ZNF235: variants seen among roughly 807,000 people sequenced by gnomAD.
The protein encoded by ZNF235 is zinc finger protein 235.
Under a neutral mutation model 29.4 loss-of-function variants are expected in ZNF235, and 25 were observed. The ratio of observed to expected loss-of-function variants is 0.85; its 90% CI spans 0.62 to 1.19. The LOEUF is 1.19. Ranked by LOEUF, ZNF235 falls within the 50% of genes most tolerant of loss-of-function variation. ZNF235 has a pLI of 0.00. For synonymous variants in ZNF235, 300 were observed against 295.3 expected, an observed-to-expected ratio of 1.02 and a Z score of -0.16; for missense variants, 788 against 885.0, an observed-to-expected ratio of 0.89 and a Z score of 1.39.
At chr19:44,302,990 A>AT in intron 2 of ZNF235, among the ~76,000 whole-genome samples, 1 of 132,800 alleles carries the variant, frequency 7.5e-6, no homozygotes, top group African/African-American at 3.0e-5. Context: ...ATTTATATAT[A>AT]AATATATACA....
chr19:44,303,786 A>G (rs1030378743), intron 1 of ZNF235, among the ~76,000 whole-genome samples: 4 of 152,236 alleles, frequency 2.6e-5, no homozygotes, highest in African/African-American at 9.6e-5. Flanking sequence ...ATTTCTACCT[A>G]TTTTCAACTG....
intron 2 of ZNF235, among the ~76,000 whole-genome samples, chr19:44,300,880 A>T (rs976996911): frequency 1.3e-5 from 2 of 151,282 alleles, no homozygotes; most frequent in Non-Finnish European, 2.9e-5. Context: ...AAGAAGTGGT[A>T]ATTACATTGT....
chr19:44,291,107 T>A (rs1975579096), intron 4 of ZNF235, among the ~76,000 whole-genome samples: 3 of 152,186 alleles, frequency 2.0e-5, no homozygotes, highest in Non-Finnish European at 4.4e-5. Flanking sequence ...GAAAATGTTA[T>A]TTTCAGGTGC....
intron 4 of ZNF235, chr19:44,290,798 G>C (rs1480830294): frequency 6.5e-6 from 1 of 153,696 alleles, no homozygotes; most frequent in African/African-American, 2.4e-5. Context: ...ACTGGGGACT[G>C]AAGACACCTT....
At position 44,299,680 on chromosome 19, in the gene ZNF235, C is replaced by T. The variant is rs1274027261; in HGVS notation, c.68G>A (p.Gly23Glu). Residue 23 changes from glycine (G) to glutamate (E), a missense_variant, in exon 3 of 5, where the codon GGG (glycine) becomes GAG (glutamate). Coordinates refer to ENST00000291182, the MANE Select transcript of ZNF235 (RefSeq NM_004234.4). ...CTTCCTCTGGGCAGAGTCCAGCAGC[C>T]CCAGCTCCTCCTCAGTGAAGGCCAC... is the stretch of plus-strand genomic sequence containing the variant. ...VAVAFTEEEL[G>E]LLDSAQRKLY... 6.2e-7 allele frequency: 1 copy of T among 1,614,126 alleles called. No individual in the cohort carries two copies. Among genetic ancestry groups the T allele is most frequent in the East Asian group, 2.2e-5 (1 of 44,874 alleles).
At chr19:44,303,023 AAAT>A (rs1975773628) in intron 2 of ZNF235, among the ~76,000 whole-genome samples, 1 of 131,226 alleles carries the variant, frequency 7.6e-6, no homozygotes, top group Non-Finnish European at 1.6e-5. Context: ...TATTTATATA[AAAT>A]ATACGTATAT....
intron 4 of ZNF235, chr19:44,290,012 C>T (rs942089644): frequency 2.6e-5 from 4 of 152,210 alleles, no homozygotes; most frequent in African/African-American, 9.6e-5. Flanking sequence ...GGGACAGCTG[C>T]CCTGGCCCCT....
rs1379212885 is a variant in ZNF235 at position 44,289,216 on chromosome 19, A to T, written c.239-20T>A. 1.3e-6 allele frequency: 2 copies of T among 1,583,306 alleles called. No individual in the cohort carries two copies. The highest frequency in any genetic ancestry group is 1.7e-6 in the Non-Finnish European group (2 of 1,164,904). On this transcript the variant is annotated intron_variant, in intron 4 of 4. Transcript: ENST00000291182. ...TGTCTCCTGAAAGGATAGAGAGAAT[A>T]AGGAATAAAGGACCAAGAGACTGAC...
rs1412779355 is a variant in ZNF235, at chr19:44,287,883, T to A, written c.1552A>T (p.Asn518Tyr). 6.2e-7 allele frequency: 1 copy of A among 1,612,514 alleles called. No homozygotes were observed. Among genetic ancestry groups the A allele is most frequent in the East Asian group, 2.2e-5 (1 of 44,674 alleles). Residue 518 changes from asparagine to tyrosine, a missense_variant, in exon 5 of 5, where the codon AAC becomes TAC. Transcript: ENST00000291182. Reference protein sequence around the residue: ...VHTGEKPFRCNVCGKGFSQSS... With the variant: ...VHTGEKPFRCYVCGKGFSQSS... ...TGACTGAAGCCTTTCCCACACACGT[T>A]GCATCGAAATGGTTTCTCTCCTGTA...
chr19:44,303,362 A>G, intron 2 of ZNF235, 28 bp downstream of exon 2: 1 of 1,610,294 alleles, frequency 6.2e-7, no homozygotes, highest in Non-Finnish European at 8.5e-7. Flanking sequence ...ATGTCATTTT[A>G]AGAAACACAA....
Position 44,288,242 on chromosome 19 carries a change from G to C in ZNF235, c.1193C>G (p.Thr398Ser), listed in dbSNP as rs1453770305. 1.2e-6 allele frequency: 2 copies of C among 1,614,044 alleles called. No individual in the cohort carries two copies. Among genetic ancestry groups the C allele is most frequent in the Non-Finnish European group, 1.7e-6 (2 of 1,180,040 alleles). Reference protein sequence around the residue: ...TDLNIHCRVHTGEKPYKCEVC... With the variant: ...TDLNIHCRVHSGEKPYKCEVC... The stretch of plus-strand genomic sequence containing the variant: ...CTCACATTTATAAGGTTTCTCTCCA[G>C]TGTGAACTCTGCAATGAATGTTAAG... Residue 398 changes from threonine (T) to serine (S), a missense_variant, in exon 5 of 5, where the codon ACT becomes AGT. Thr to Ser is a moderately conservative substitution (Grantham distance 58, BLOSUM62 1). Transcript: ENST00000291182.
intron 2 of ZNF235, among the ~76,000 whole-genome samples, chr19:44,303,087 TATATACAA>T (rs1411378416): frequency 3.0e-5 from 3 of 101,430 alleles, no homozygotes; most frequent in African/African-American, 1.1e-4. Flanking sequence ...ATATAATACA[TATATACAA>T]ATATACGTAT....
rs1439059181 is a variant in ZNF235, at chr19:44,299,679, C to T, written c.69G>A (p.Gly23=). The T allele has an allele frequency of 2.5e-6, 4 of 1,614,142 alleles. No homozygotes were observed. The South Asian group carries it at 4.4e-5, about 18-fold the overall frequency. ...VAVAFTEEEL[G]LLDSAQRKLY... ...GCTTCCTCTGGGCAGAGTCCAGCAGCCCCAGCTCCTCCTCAGTGAAGGCCA... is the reference window on the plus strand; with the variant it reads ...GCTTCCTCTGGGCAGAGTCCAGCAGTCCCAGCTCCTCCTCAGTGAAGGCCA... Residue 23 remains glycine, a synonymous_variant, in exon 3 of 5, where the codon GGG becomes GGA. Transcript: ENST00000291182.
At chr19:44,304,588 T>G in intron 1 of ZNF235, 1 of 473,588 alleles carries the variant, frequency 2.1e-6, no homozygotes, top group Non-Finnish European at 2.8e-6. Flanking sequence ...ATGCACTGGT[T>G]TTAAGCTTAT....
chr19:44,288,298 A>G lies in ZNF235; in HGVS notation c.1137T>C (p.Ser379=), dbSNP rs959456993. The G allele has an allele frequency of 1.9e-5, 30 of 1,613,884 alleles. No individual in the cohort carries two copies. Among genetic ancestry groups the G allele is most frequent in the Non-Finnish European group, 2.5e-5 (30 of 1,179,998 alleles). The change falls in exon 5 of 5, where the codon AGT becomes AGC. Residue 379 remains serine, a synonymous_variant. Coordinates refer to ENST00000291182, the MANE Select transcript of ZNF235 (RefSeq NM_004234.4). Reference sequence around the variant, plus strand: ...TGCTACGACTGAAGCCCTTCCCACAACTGTCACATCTATAGGGCTTCTCTC... The same window carrying G: ...TGCTACGACTGAAGCCCTTCCCACAGCTGTCACATCTATAGGGCTTCTCTC... ...HTGEKPYRCD[S]CGKGFSRSTD... is the part of the protein sequence containing the mutation.
At position 44,288,541 on chromosome 19, in the gene ZNF235, C is replaced by A; in HGVS notation, c.894G>T (p.Lys298Asn). 6.2e-7 allele frequency: 1 copy of A among 1,614,102 alleles called. No individual in the cohort carries two copies. The highest frequency in any genetic ancestry group is 1.6e-4 in the Middle Eastern group (1 of 6,062). Residue 298 changes from lysine (K) to asparagine (N), a missense_variant, in exon 5 of 5, where the codon AAG (lysine) becomes AAT (asparagine). Coordinates refer to ENST00000291182, the MANE Select transcript of ZNF235 (RefSeq NM_004234.4). ...GAATACCTGAGCTATAACTGGTGTC[C>A]TTCTCATGTGTACTACACGCTGGAG... ...KKSPACSTHE[K>N]DTSYSSGIPV...
intron 4 of ZNF235, among the ~76,000 whole-genome samples, chr19:44,292,077 G>A (rs1294274121): frequency 6.6e-6 from 1 of 152,054 alleles, no homozygotes; most frequent in Non-Finnish European, 1.5e-5. Flanking sequence ...TCTCAAGAAT[G>A]CAAGGCTGAT....
Position 44,288,919 on chromosome 19 carries a change from T to C in ZNF235, c.516A>G (p.Gln172=). The change falls in exon 5 of 5, where the codon CAA becomes CAG. Residue 172 remains glutamine (Q), a synonymous_variant. Coordinates refer to ENST00000291182, the MANE Select transcript of ZNF235 (RefSeq NM_004234.4). ...IGDHSSIIEN[Q]EFPTGKVPNS... ...TCGGAACTTTCCCAGTTGGAAATTCTTGATTTTCAATGATACTGGAATGAT... is the reference window on the plus strand; with the variant it reads ...TCGGAACTTTCCCAGTTGGAAATTCCTGATTTTCAATGATACTGGAATGAT... 1 of 1,614,092 alleles carries C rather than the reference T, an allele frequency of 6.2e-7. No individual in the cohort carries two copies.
chr19:44,294,125 G>A (rs184479893), intron 4 of ZNF235, among the ~76,000 whole-genome samples: 2 of 152,064 alleles, frequency 1.3e-5, no homozygotes, highest in South Asian at 2.1e-4. Flanking sequence ...CGAAAAGCTC[G>A]TTTTTATCTC....
Sources: gnomAD v4.1 joint callset for allele counts (sites outside exome capture counted in the v4.1 genomes callset) on GRCh38, gnomAD v4.1.1 for gene constraint, MANE v1.5 for transcripts, NCBI Gene and HGNC (gene_info 2026-07-23, HGNC 2026-07-21) for gene names.